The following CACNA1D variants were observed in gnomAD, a reference collection of about 807,000 sequenced individuals.
The protein encoded by CACNA1D is voltage-dependent L-type calcium channel subunit alpha-1D.
Under a neutral mutation model 257.1 loss-of-function variants are expected in CACNA1D, and 55 were observed. The ratio of observed to expected loss-of-function variants is 0.21; its 90% confidence interval spans 0.17 to 0.27. The LOEUF is 0.27. Ranked by LOEUF, CACNA1D falls within the 10% of genes least tolerant of loss-of-function variation. CACNA1D has a pLI of 1.00. For synonymous variants in CACNA1D, 980 were observed against 1,014.9 expected, an observed-to-expected ratio of 0.97 and a Z score of 0.65; for missense variants, 1,876 against 2,784.0, an observed-to-expected ratio of 0.67 and a Z score of 7.34.
intron 3 of CACNA1D, among the ~76,000 whole-genome samples, chr3:53,530,940 T>G (rs371432628): frequency 1.3e-5 from 2 of 151,798 alleles, no homozygotes; most frequent in Non-Finnish European, 2.9e-5. Context: ...CCTTGACTCC[T>G]GGGCTCAAGC....
chr3:53,808,535 C>T (rs1011338579), intron 45 of CACNA1D, 114 bp from the exon 46 acceptor site: 33 of 1,284,888 alleles, frequency 2.6e-5, no homozygotes, highest in Middle Eastern at 1.8e-4. Flanking sequence ...TTGGACAAAC[C>T]GCATGCTTCT....
intron 3 of CACNA1D, among the ~76,000 whole-genome samples, chr3:53,599,447 T>C (rs2093414096): frequency 6.6e-6 from 1 of 152,144 alleles, no homozygotes; most frequent in South Asian, 2.1e-4. Flanking sequence ...TTTGCTTTGC[T>C]TTTGCTTTTT....
intron 3 of CACNA1D, among the ~76,000 whole-genome samples, chr3:53,513,616 T>A (rs1370081469): frequency 6.6e-6 from 1 of 152,182 alleles, no homozygotes; most frequent in East Asian, 1.9e-4. Context: ...CCTAGGTGAC[T>A]GAGACCCCGT....
chr3:53,645,581 C>G (rs986199055), intron 3 of CACNA1D, among the ~76,000 whole-genome samples: 1 of 152,130 alleles, frequency 6.6e-6, no homozygotes, highest in African/African-American at 2.4e-5. Context: ...CTGTCCTTTC[C>G]CCACTCTGTA....
rs114779681 is a variant in CACNA1D at position 53,708,533 on chromosome 3, T to C, written c.1390+5723T>C. 7.3e-3 allele frequency among the ~76,000 whole-genome samples: 1,112 copies of C among 152,204 alleles called. 11 individuals carry two copies. Among genetic ancestry groups the C allele is most frequent in the African/African-American group, 0.024 (1,002 of 41,504 alleles). On this transcript the variant is annotated intron_variant, in intron 9 of 47. Transcript: ENST00000350061. The stretch of plus-strand genomic sequence containing the variant: ...TCTCCACAGGGGTGATAGAAAGCAG[T>C]GGTAATTTCTAAAAGTGCCTGCATG...
In CACNA1D at chr3:53,625,403, C is replaced by G. The variant is rs569680071; in HGVS notation, c.484-25376C>G. Among the ~76,000 whole-genome samples, 291 of 152,312 alleles carry G rather than the reference C, an allele frequency of 1.9e-3. 1 individual carries two copies. Among genetic ancestry groups the G allele is most frequent in the African/African-American group, 6.6e-3 (276 of 41,556 alleles). Reference sequence around the variant, plus strand: ...GTTCAGATATGTCGCGTTCTGACTTCCCAGCAGCCTGCATCATGCCTCTTG... The same window carrying G: ...GTTCAGATATGTCGCGTTCTGACTTGCCAGCAGCCTGCATCATGCCTCTTG... On this transcript the variant is annotated intron_variant, in intron 3 of 47. Coordinates refer to ENST00000350061, the MANE Select transcript of CACNA1D (RefSeq NM_001128840.3).
chr3:53,532,691 C>T (rs376910240), intron 3 of CACNA1D, among the ~76,000 whole-genome samples: 22 of 152,126 alleles, frequency 1.4e-4, no homozygotes, highest in African/African-American at 4.3e-4. Context: ...GTTTTTGATG[C>T]GTTTTTTCAA....
chr3:53,747,250 T>A, intron 25 of CACNA1D, 52 bp from the exon 26 acceptor site: 1 of 1,563,414 alleles, frequency 6.4e-7, no homozygotes, highest in Non-Finnish European at 8.8e-7. Context: ...TTTACGCTGC[T>A]TCCACCTGTC....
chr3:53,739,786 G>A (rs531653836), intron 20 of CACNA1D, among the ~76,000 whole-genome samples: 45 of 152,318 alleles, frequency 3.0e-4, no homozygotes, highest in Non-Finnish European at 5.7e-4. Flanking sequence ...AGGCTGGAAT[G>A]CGAGGGGGCA....
chr3:53,749,143 TG>T, intron 26 of CACNA1D, 124 bp from the exon 27 acceptor site: 1 of 732,826 alleles, frequency 1.4e-6, no homozygotes. Flanking sequence ...CCAGCAGCCT[TG>T]GGGTGGGTTC....
intron 40 of CACNA1D, among the ~76,000 whole-genome samples, 168 bp downstream of exon 40, chr3:53,787,120 G>T (rs980312387): frequency 1.3e-5 from 2 of 152,148 alleles, no homozygotes; most frequent in Non-Finnish European, 1.5e-5. Flanking sequence ...TGGGCCACAA[G>T]GTAAGTGCTT....
At chr3:53,628,165 C>A (rs765092238) in intron 3 of CACNA1D, among the ~76,000 whole-genome samples, 9 of 152,164 alleles carry the variant, frequency 5.9e-5, no homozygotes, top group Non-Finnish European at 1.2e-4. Flanking sequence ...TTATCATAAC[C>A]CACACTACTA....
At chr3:53,616,965 A>G (rs532942301) in intron 3 of CACNA1D, among the ~76,000 whole-genome samples, 1 of 152,116 alleles carries the variant, frequency 6.6e-6, no homozygotes, top group South Asian at 2.1e-4. Flanking sequence ...CACGTAGTTG[A>G]GGCAGTTTGA....
intron 3 of CACNA1D, among the ~76,000 whole-genome samples, chr3:53,639,219 G>A (rs563184429): frequency 3.9e-5 from 6 of 152,192 alleles, no homozygotes; most frequent in Non-Finnish European, 8.8e-5. Flanking sequence ...TGACCAACAT[G>A]GTGAAACCCT....
At chr3:53,742,018 A>G (rs1019963438) in intron 21 of CACNA1D, among the ~76,000 whole-genome samples, 1 of 152,202 alleles carries the variant, frequency 6.6e-6, no homozygotes, top group African/African-American at 2.4e-5. Flanking sequence ...AGAATGGAAA[A>G]TAAGCTAAAA....
chr3:53,787,937 AT>A (rs2095464510), intron 40 of CACNA1D, among the ~76,000 whole-genome samples: 1 of 152,146 alleles, frequency 6.6e-6, no homozygotes, highest in Non-Finnish European at 1.5e-5. Flanking sequence ...TTACGCCACA[AT>A]TTTATGCCCC....
chr3:53,713,791 C>T (rs1395207615), intron 9 of CACNA1D, among the ~76,000 whole-genome samples: 1 of 152,138 alleles, frequency 6.6e-6, no homozygotes, highest in African/African-American at 2.4e-5. Flanking sequence ...AGGGGCCTGG[C>T]CCGGCTGCCC....
rs147828892 is a variant in CACNA1D at position 53,793,806 on chromosome 3, C to T, written c.4924-6443C>T. On this transcript the variant is annotated intron_variant, in intron 40 of 47. Transcript: ENST00000350061. The surrounding 1 kb of genome is among the most constrained non-coding windows in gnomAD (Gnocchi z 4.1). ...GATTTGCAGTCAAACTGCAGAGACA[C>T]CGCTGTCGTTTCTCTTAAAGCCTTG... 1.6e-3 allele frequency among the ~76,000 whole-genome samples: 241 copies of T among 152,358 alleles called. 1 individual carries two copies. The highest frequency in any genetic ancestry group is 5.6e-3 in the African/African-American group (234 of 41,586).
intron 3 of CACNA1D, among the ~76,000 whole-genome samples, chr3:53,648,396 G>T (rs998853679): frequency 2.0e-5 from 3 of 152,180 alleles, no homozygotes; most frequent in Non-Finnish European, 4.4e-5. Flanking sequence ...TGAAGTAACA[G>T]AGTTCCTTTT....
Sources: allele counts gnomAD v4.1 joint callset (sites outside exome capture counted in the v4.1 genomes callset), GRCh38; gene constraint gnomAD v4.1.1; non-coding constraint Gnocchi (gnomAD v3.1); transcripts MANE v1.5; gene names NCBI Gene and HGNC (gene_info 2026-07-23, HGNC 2026-07-21).